MKLN1: variants seen among roughly 807,000 people sequenced by gnomAD.
The protein encoded by MKLN1 is muskelin 1, also known as muskelin.
In MKLN1, 18 loss-of-function variants were observed where a neutral mutation model predicts 99.0. That is an observed-to-expected ratio of 0.18 (90% CI 0.13 to 0.27). The LOEUF (loss-of-function observed/expected upper bound fraction) is 0.27. Among genes scored for constraint, MKLN1 ranks in the 10% least tolerant of loss-of-function variants. The pLI, the probability that MKLN1 is intolerant of heterozygous loss-of-function variation, is 1.00. For synonymous variants in MKLN1, 288 were observed against 293.2 expected (o/e 0.98, Z 0.18); for missense variants, 621 against 875.9 (o/e 0.71, Z 3.67).
At chr7:131,239,072 G>C (rs7798131) in intron 3 of MKLN1, among the ~76,000 whole-genome samples, 96,241 of 152,004 alleles carry the variant, frequency 0.63, 31,955 homozygotes, top group South Asian at 0.81. Flanking sequence ...CTCCAACTCT[G>C]AGATTCTATG....
intron 3 of MKLN1, among the ~76,000 whole-genome samples, chr7:131,210,668 A>C (rs1271928794): frequency 8.4e-6 from 1 of 118,986 alleles, no homozygotes; most frequent in Non-Finnish European, 1.7e-5. Context: ...GTGCCACTGC[A>C]CTCCAGCCTG....
chr7:131,477,007 G>A (rs1796986350), intron 16 of MKLN1, among the ~76,000 whole-genome samples: 1 of 152,132 alleles, frequency 6.6e-6, no homozygotes, highest in South Asian at 2.1e-4. Flanking sequence ...AAATGATACT[G>A]AATAACTGGA....
intron 2 of MKLN1, among the ~76,000 whole-genome samples, chr7:131,166,251 TG>T (rs1350715793): frequency 6.6e-6 from 1 of 152,144 alleles, no homozygotes; most frequent in East Asian, 1.9e-4. Context: ...TTTTGAGCAT[TG>T]GTGAGTCAGA....
intron 8 of MKLN1, among the ~76,000 whole-genome samples, chr7:131,415,942 T>C (rs1022918031): frequency 3.3e-5 from 5 of 152,154 alleles, no homozygotes; most frequent in African/African-American, 1.2e-4. Context: ...GAAAATATTA[T>C]TAAACACCCC....
At chr7:131,290,772 T>C (rs1450996397) in intron 3 of MKLN1, among the ~76,000 whole-genome samples, 1 of 152,220 alleles carries the variant, frequency 6.6e-6, no homozygotes, top group African/African-American at 2.4e-5. Flanking sequence ...GAAACTTAGG[T>C]CAACTTCTCT....
chr7:131,312,375 A>G (rs1471925178), intron 3 of MKLN1, among the ~76,000 whole-genome samples: 1 of 152,192 alleles, frequency 6.6e-6, no homozygotes, highest in Non-Finnish European at 1.5e-5. Flanking sequence ...TTTCTATTAA[A>G]GAGCAGATTA....
chr7:131,120,377 AC>A (rs759440885), intron 1 of MKLN1, among the ~76,000 whole-genome samples: 3 of 146,778 alleles, frequency 2.0e-5, no homozygotes, highest in Non-Finnish European at 4.5e-5. Context: ...ATACAAAAAA[AC>A]AAACAAACAA....
chr7:131,345,381 C>G (rs1380203194), intron 1 of MKLN1, among the ~76,000 whole-genome samples: 1 of 152,186 alleles, frequency 6.6e-6, no homozygotes, highest in African/African-American at 2.4e-5. Flanking sequence ...CATGTCAGAA[C>G]TCAAAAAGTT....
chr7:131,327,409 C>A (rs746020821), upstream of MKLN1: 1 of 153,716 alleles, frequency 6.5e-6, no homozygotes, highest in Non-Finnish European at 1.4e-5. Flanking sequence ...ACATTTAAAA[C>A]CAGGACCACT....
chr7:131,479,354 C>A (rs1367490465), intron 17 of MKLN1, among the ~76,000 whole-genome samples: 1 of 151,966 alleles, frequency 6.6e-6, no homozygotes, highest in Non-Finnish European at 1.5e-5. Flanking sequence ...ATAGTAAGAC[C>A]TCGTCTCTAC....
At chr7:131,447,460 G>A (rs941506520) in intron 12 of MKLN1, among the ~76,000 whole-genome samples, 1 of 152,156 alleles carries the variant, frequency 6.6e-6, no homozygotes, top group Non-Finnish European at 1.5e-5. Context: ...AGCACTTTGG[G>A]AGGCTAAGGT....
intron 8 of MKLN1, among the ~76,000 whole-genome samples, chr7:131,422,753 A>G (rs1254413493): frequency 1.3e-5 from 2 of 149,954 alleles, no homozygotes; most frequent in Non-Finnish European, 3.0e-5. Context: ...TTTTTTTCCC[A>G]TATTGCTGTC....
intron 8 of MKLN1, among the ~76,000 whole-genome samples, chr7:131,428,389 A>G (rs1043865877): frequency 9.2e-5 from 14 of 152,172 alleles, no homozygotes; most frequent in South Asian, 6.2e-4. Context: ...TATATCTGGA[A>G]AAATTTCTCC....
intron 10 of MKLN1, 132 bp from the exon 11 acceptor site, chr7:131,443,349 G>A: frequency 1.6e-6 from 1 of 624,462 alleles, no homozygotes; most frequent in Non-Finnish European, 2.9e-6. Flanking sequence ...ATAATCAGGG[G>A]TGGTATTTAG....
intron 3 of MKLN1, among the ~76,000 whole-genome samples, chr7:131,302,359 C>T (rs565778035): frequency 2.0e-5 from 3 of 152,182 alleles, no homozygotes; most frequent in Non-Finnish European, 4.4e-5. Flanking sequence ...CTACTTCCGT[C>T]TCCTTCACAA....
At chr7:131,110,822 C>T (rs1020354809) in intron 1 of MKLN1, among the ~76,000 whole-genome samples, 1 of 152,220 alleles carries the variant, frequency 6.6e-6, no homozygotes, top group Non-Finnish European at 1.5e-5. Flanking sequence ...TGCAGCCAGC[C>T]TCCTCACCAC....
intron 2 of MKLN1, among the ~76,000 whole-genome samples, chr7:131,187,924 C>G (rs926576334): frequency 1.9e-4 from 29 of 151,936 alleles, no homozygotes; most frequent in African/African-American, 6.8e-4. Context: ...CCACTGTACC[C>G]CAGCCTGGGT....
At chr7:131,441,248 G>T (rs1795831056) in intron 10 of MKLN1, among the ~76,000 whole-genome samples, 1 of 152,162 alleles carries the variant, frequency 6.6e-6, no homozygotes, top group East Asian at 1.9e-4. Context: ...GTAGAAGGGA[G>T]GGTGGTAGGT....
intron 11 of MKLN1, among the ~76,000 whole-genome samples, chr7:131,445,208 T>G (rs1054536562): frequency 6.6e-6 from 1 of 152,044 alleles, no homozygotes; most frequent in Non-Finnish European, 1.5e-5. Flanking sequence ...GGATTTTTTT[T>G]GCCCAAATTT....
Sources: gnomAD v4.1 joint callset for allele counts (sites outside exome capture counted in the v4.1 genomes callset) on GRCh38, gnomAD v4.1.1 for gene constraint, MANE v1.5 for transcripts, NCBI Gene and HGNC (gene_info 2026-07-23, HGNC 2026-07-21) for gene names.